The following MACROD2 variants were observed in gnomAD, a reference collection of about 807,000 sequenced individuals.
The protein encoded by MACROD2 is mono-ADP ribosylhydrolase 2, also known as ADP-ribose glycohydrolase MACROD2.
A neutral mutation model predicts 70.4 loss-of-function variants in MACROD2; 36 were observed. That is an observed-to-expected ratio of 0.51 (90% confidence interval 0.39 to 0.68). The LOEUF (loss-of-function observed/expected upper bound fraction) is 0.68, where lower values mean the gene tolerates loss of function less well. Ranked by LOEUF, MACROD2 falls within the 30% of genes least tolerant of loss-of-function variation. The probability of loss-of-function intolerance (pLI) is 0.00; values close to 1 mark genes in which losing one functional copy is unlikely to be tolerated. For synonymous variants in MACROD2, 172 were observed against 178.8 expected (o/e 0.96, Z 0.30); for missense variants, 496 against 538.4 (o/e 0.92, Z 0.78).
chr20:15,977,096 C>G (rs562172898), intron 13 of MACROD2, among the ~76,000 whole-genome samples: 1 of 152,122 alleles, frequency 6.6e-6, no homozygotes, highest in Non-Finnish European at 1.5e-5. Flanking sequence ...GCCTTTTCCC[C>G]TCTCTGGATG....
intron 2 of MACROD2, among the ~76,000 whole-genome samples, chr20:14,042,014 A>C (rs2053397759): frequency 6.6e-6 from 1 of 152,166 alleles, no homozygotes; most frequent in Admixed American, 6.5e-5. Flanking sequence ...TAGAGGAAAA[A>C]TTAACAGTGT....
At position 16,052,983 on chromosome 20, in the gene MACROD2, G is replaced by C. The variant is rs2067477520; in HGVS notation, c.*3107G>C. ...TGCAAATAAATGTAGTCTGTTGCTT[G>C]CAAGGAAAAAAAAATGGCTTCTGAT... is the stretch of plus-strand genomic sequence containing the variant. On this transcript the variant is annotated 3_prime_UTR_variant, in exon 18 of 18. Coordinates refer to ENST00000684519, the MANE Select transcript of MACROD2 (RefSeq NM_001351661.2). The C allele has an allele frequency of 6.6e-6, 1 of 151,726 alleles. No individual in the cohort carries two copies. Among genetic ancestry groups the C allele is most frequent in the South Asian group, 2.1e-4 (1 of 4,828 alleles). 9.4% of individuals were successfully genotyped at this position (151,726 alleles called of 1,614,324 possible).
intron 4 of MACROD2, among the ~76,000 whole-genome samples, chr20:14,533,508 A>G (rs975662718): frequency 6.6e-6 from 1 of 152,228 alleles, no homozygotes; most frequent in Admixed American, 6.5e-5. Flanking sequence ...GTTTAGGTTT[A>G]TGGTGGACTA....
chr20:14,110,906 C>G (rs1601236186), intron 3 of MACROD2, among the ~76,000 whole-genome samples: 2 of 151,978 alleles, frequency 1.3e-5, no homozygotes, highest in East Asian at 3.9e-4. Flanking sequence ...CACAAAAGAC[C>G]CACAATAGCC....
At chr20:15,866,379 A>C (rs2147170901) in intron 9 of MACROD2, among the ~76,000 whole-genome samples, 1 of 152,126 alleles carries the variant, frequency 6.6e-6, no homozygotes, top group South Asian at 2.1e-4. Flanking sequence ...CTGGGTGACG[A>C]AGCAAGACCC....
chr20:15,235,289 G>C (rs904126780), intron 6 of MACROD2, among the ~76,000 whole-genome samples: 3 of 152,202 alleles, frequency 2.0e-5, no homozygotes, highest in Middle Eastern at 3.4e-3. Context: ...TGTGATTATG[G>C]GCAGACTAAA....
At chr20:15,046,929 A>G (rs2123041245) in intron 5 of MACROD2, among the ~76,000 whole-genome samples, 1 of 152,298 alleles carries the variant, frequency 6.6e-6, no homozygotes. Flanking sequence ...TGTCAACTAT[A>G]CTTCAATTAC....
chr20:15,555,246 C>T (rs2048150986), intron 8 of MACROD2, among the ~76,000 whole-genome samples: 1 of 152,074 alleles, frequency 6.6e-6, no homozygotes, highest in Non-Finnish European at 1.5e-5. Context: ...ATATCTATTT[C>T]CCAATCAGAA....
chr20:14,621,629 T>C (rs1299222721), intron 4 of MACROD2: 1 of 152,182 alleles, frequency 6.6e-6, no homozygotes. Context: ...CTCTTTCTAA[T>C]TTTCCCACAG....
At chr20:14,096,526 C>T (rs955436528) in intron 3 of MACROD2, among the ~76,000 whole-genome samples, 4 of 151,994 alleles carry the variant, frequency 2.6e-5, no homozygotes, top group Non-Finnish European at 5.9e-5. Context: ...AGCACCACAC[C>T]TGGCTAACTT....
chr20:15,329,995 G>A (rs936476991), intron 6 of MACROD2, among the ~76,000 whole-genome samples: 7 of 151,990 alleles, frequency 4.6e-5, no homozygotes, highest in African/African-American at 9.6e-5. Context: ...TGAAGACACC[G>A]GGACATAGAA....
chr20:16,004,819 C>T (rs2147513463), intron 15 of MACROD2, among the ~76,000 whole-genome samples: 1 of 152,324 alleles, frequency 6.6e-6, no homozygotes, highest in Middle Eastern at 3.4e-3. Context: ...TTCTCTTGGC[C>T]CCAGCACAAG....
chr20:15,791,387 T>C (rs1420053674), intron 8 of MACROD2, among the ~76,000 whole-genome samples: 1 of 151,548 alleles, frequency 6.6e-6, no homozygotes, highest in Non-Finnish European at 1.5e-5. Flanking sequence ...TCAATCTGTA[T>C]AAAAAAAACC....
Position 15,933,264 on chromosome 20 carries a change from T to A in MACROD2, c.776-12T>A. ...TTGATGCATTTTTTTTCCTCTGTGG[T>A]TTTCTTGAAAGATGAGAACGGTCCA... On this transcript the variant is annotated splice_polypyrimidine_tract_variant and intron_variant, in intron 10 of 17. Coordinates refer to ENST00000684519, the MANE Select transcript of MACROD2 (RefSeq NM_001351661.2). The A allele has an allele frequency of 6.2e-7, 1 of 1,612,450 alleles. No individual in the cohort carries two copies. Among genetic ancestry groups the A allele is most frequent in the Non-Finnish European group, 8.5e-7 (1 of 1,179,150 alleles).
chr20:15,991,021 C>CAGTTTAGTTATTA (rs2066550436), intron 15 of MACROD2, among the ~76,000 whole-genome samples: 1 of 150,830 alleles, frequency 6.6e-6, no homozygotes, highest in Admixed American at 6.7e-5. Context: ...TTATTGTACC[C>CAGTTTAGTTATTA]TATTGATAAA....
intron 6 of MACROD2, among the ~76,000 whole-genome samples, chr20:15,419,277 A>G (rs999676166): frequency 1.3e-5 from 2 of 152,142 alleles, no homozygotes; most frequent in Admixed American, 1.3e-4. Flanking sequence ...CTCACCCATC[A>G]GTCATTGGTA....
At chr20:14,315,357 G>A in intron 3 of MACROD2, among the ~76,000 whole-genome samples, 1 of 152,158 alleles carries the variant, frequency 6.6e-6, no homozygotes, top group Non-Finnish European at 1.5e-5. Context: ...CTTTCACCAA[G>A]ATTGTCTCAG....
intron 3 of MACROD2, among the ~76,000 whole-genome samples, chr20:14,164,018 A>G (rs567736965): frequency 6.6e-5 from 10 of 151,362 alleles, no homozygotes; most frequent in Non-Finnish European, 4.4e-5. Flanking sequence ...CTTCTTTTTC[A>G]TGTTTCATGT....
intron 4 of MACROD2, among the ~76,000 whole-genome samples, chr20:14,535,521 A>G (rs1275615176): frequency 6.7e-6 from 1 of 149,378 alleles, no homozygotes; most frequent in Non-Finnish European, 1.5e-5. Context: ...AAAAAAAAAA[A>G]AAAAAAAAGA....
Sources: allele counts gnomAD v4.1 joint callset (sites outside exome capture counted in the v4.1 genomes callset), GRCh38; gene constraint gnomAD v4.1.1; transcripts MANE v1.5; gene names NCBI Gene and HGNC (gene_info 2026-07-23, HGNC 2026-07-21).